PLEKHA7: variants seen among roughly 807,000 people sequenced by gnomAD.
PLEKHA7 encodes pleckstrin homology domain containing A7.
A neutral mutation model predicts 170.0 loss-of-function variants in PLEKHA7; 104 were observed. The ratio of observed to expected loss-of-function variants is 0.61; its 90% CI spans 0.52 to 0.72. The LOEUF (loss-of-function observed/expected upper bound fraction) is 0.72, where lower values mean the gene tolerates loss of function less well. Ranked by LOEUF, PLEKHA7 falls within the 30% of genes least tolerant of loss-of-function variation. PLEKHA7 has a pLI of 0.00. For synonymous variants in PLEKHA7, 648 were observed against 660.8 expected, an observed-to-expected ratio of 0.98 and a Z score of 0.30; for missense variants, 1,615 against 1,671.7, an observed-to-expected ratio of 0.97 and a Z score of 0.59.
intron 3 of PLEKHA7, among the ~76,000 whole-genome samples, chr11:17,010,224 C>A (rs957759394): frequency 2.6e-5 from 4 of 151,880 alleles, no homozygotes; most frequent in Non-Finnish European, 4.4e-5. Flanking sequence ...CCTGTCTCTA[C>A]TAAAAATGCA....
In PLEKHA7 at chr11:16,855,870, G is replaced by A. The variant is rs1853402538; in HGVS notation, c.350C>T (p.Ser117Phe). The part of the protein sequence containing the change: ...MSKQDRNQRP[S>F]SMVSETSTAG... ...CGTGGATGTTTCACTGACCATGCTG[G>A]ACGGTCTTTGGTTTCTGTCTTGCTT... The change falls in exon 5 of 27, where the codon TCC becomes TTC. Residue 117 changes from serine to phenylalanine, a missense_variant. Transcript: ENST00000531066. The A allele has an allele frequency of 6.2e-7, 1 of 1,614,212 alleles. No homozygotes were observed. The highest frequency in any genetic ancestry group is 8.5e-7 in the Non-Finnish European group (1 of 1,180,038).
intron 3 of PLEKHA7, among the ~76,000 whole-genome samples, chr11:16,948,444 AC>A (rs1342842988): frequency 2.0e-5 from 3 of 152,078 alleles, no homozygotes; most frequent in African/African-American, 7.2e-5. Flanking sequence ...GCACACACAC[AC>A]CCCTGACTGT....
chr11:16,926,341 G>C (rs1185632374), intron 3 of PLEKHA7, among the ~76,000 whole-genome samples: 1 of 152,128 alleles, frequency 6.6e-6, no homozygotes, highest in Non-Finnish European at 1.5e-5. Context: ...TCACTCTCCT[G>C]GTCCTGCAGG....
intron 3 of PLEKHA7, among the ~76,000 whole-genome samples, chr11:17,009,752 A>T (rs1865213677): frequency 6.6e-6 from 1 of 151,962 alleles, no homozygotes; most frequent in African/African-American, 2.4e-5. Context: ...CCTCACACTT[A>T]AGCCTCTCAA....
In PLEKHA7 at chr11:16,817,029, G is replaced by A. The variant is rs146822702; in HGVS notation, c.1637C>T (p.Pro546Leu). The change falls in exon 11 of 27, where the codon CCA (proline) becomes CTA (leucine). Residue 546 changes from proline (P) to leucine (L), a missense_variant. By Grantham distance (98) the Pro-to-Leu change is moderately conservative. Transcript: ENST00000531066. The surrounding 1 kb of genome is among the most constrained non-coding windows in gnomAD (Gnocchi z 4.4). ...GCTCCGGCCCTGGTCGGTGAACTCT[G>A]GGGAGCCAAGGCAGATGGGCGCTGT... ...SPTAPICLGSPEFTDQGRSRS... is the reference protein window; with the variant it reads ...SPTAPICLGSLEFTDQGRSRS... 6.2e-7 allele frequency: 1 copy of A among 1,605,074 alleles called. No individual in the cohort carries two copies. Among genetic ancestry groups the A allele is most frequent in the African/African-American group, 1.3e-5 (1 of 74,872 alleles).
intron 3 of PLEKHA7, among the ~76,000 whole-genome samples, chr11:16,995,496 C>T (rs1404084975): frequency 6.6e-6 from 1 of 152,174 alleles, no homozygotes; most frequent in Non-Finnish European, 1.5e-5. Flanking sequence ...ACTCATCCAG[C>T]CCCTGAACTG....
At chr11:17,014,272 C>T in intron 1 of PLEKHA7, 44 bp downstream of exon 1, 1 of 1,395,554 alleles carries the variant, frequency 7.2e-7, no homozygotes, top group Non-Finnish European at 9.3e-7. Flanking sequence ...CCCGCCCCCG[C>T]GCCCCCACCC....
chr11:16,780,545 T>C (rs7111425), intron 26 of PLEKHA7, among the ~76,000 whole-genome samples: 2,365 of 152,342 alleles, frequency 0.016, 42 homozygotes, highest in African/African-American at 0.053. Context: ...AGTTCTTCAA[T>C]TTCTTTGGCC....
At position 16,817,505 on chromosome 11, in the gene PLEKHA7, A is replaced by C; in HGVS notation, c.1344-183T>G. 1.8e-6 allele frequency: 1 copy of C among 560,638 alleles called. No homozygotes were observed. The allele number at this position is 560,638 out of a possible 1,614,324, so 34.7% of individuals were successfully genotyped here. On this transcript the variant is annotated intron_variant, in intron 10 of 26. Transcript: ENST00000531066. This position sits in a 1 kb window ranked among gnomAD's most constrained non-coding sequence, Gnocchi z 4.4. ...TCCCCTTTTGGCAGACGACTCCAAAACCATTTTTCTCTGTCAACTTCCTCT... is the reference window on the plus strand; with the variant it reads ...TCCCCTTTTGGCAGACGACTCCAAACCCATTTTTCTCTGTCAACTTCCTCT...
rs1468152342 is a variant in PLEKHA7, at chr11:16,777,702, G to T, written c.*1296C>A. The T allele has an allele frequency of 6.6e-6, 1 of 152,204 alleles. No individual in the cohort carries two copies. The highest frequency in any genetic ancestry group is 1.5e-5 in the Non-Finnish European group (1 of 68,040). 9.4% of individuals were successfully genotyped at this position (152,204 alleles called of 1,614,324 possible). ...GCTTGGTAGCCCCCCTCCTCATGTGGGGCTGGAAGTCAAATCAAAGTCCTG... is the reference window on the plus strand; with the variant it reads ...GCTTGGTAGCCCCCCTCCTCATGTGTGGCTGGAAGTCAAATCAAAGTCCTG... On this transcript the variant is annotated 3_prime_UTR_variant, in exon 27 of 27. Coordinates refer to ENST00000531066, the MANE Select transcript of PLEKHA7 (RefSeq NM_001329630.2).
At chr11:16,936,129 C>G (rs1455422788) in intron 3 of PLEKHA7, among the ~76,000 whole-genome samples, 1 of 152,018 alleles carries the variant, frequency 6.6e-6, no homozygotes, top group Non-Finnish European at 1.5e-5. Flanking sequence ...CTGCAGGGCA[C>G]AGTGGCTCAT....
intron 4 of PLEKHA7, among the ~76,000 whole-genome samples, 173 bp from the exon 5 acceptor site, chr11:16,856,087 C>T (rs554524593): frequency 1.3e-5 from 2 of 152,320 alleles, no homozygotes; most frequent in South Asian, 2.1e-4. Context: ...GTCCAGCCTG[C>T]CCATGTGTTT....
At chr11:16,884,545 G>A (rs367373) in intron 3 of PLEKHA7, among the ~76,000 whole-genome samples, 1 of 151,968 alleles carries the variant, frequency 6.6e-6, no homozygotes, top group Admixed American at 6.5e-5. Flanking sequence ...TGAGCCAGGA[G>A]AATTGTTTGA....
rs575681698 is a variant in PLEKHA7, at chr11:16,817,395, T to C, written c.1344-73A>G. The stretch of plus-strand genomic sequence containing the variant: ...GCAGGCTTTGGGGAACATATCTAAG[T>C]AAACCCACAAAGCTGGGCATGTGGG... On this transcript the variant is annotated intron_variant, in intron 10 of 26. Coordinates refer to ENST00000531066, the MANE Select transcript of PLEKHA7 (RefSeq NM_001329630.2). The surrounding 1 kb of genome is among the most constrained non-coding windows in gnomAD (Gnocchi z 4.4). 1.9e-4 allele frequency: 276 copies of C among 1,436,664 alleles called. 4 individuals carry two copies. The African/African-American group carries it at 3.3e-3, about 17-fold the overall frequency. 89.0% of individuals were successfully genotyped at this position (1,436,664 alleles called of 1,614,324 possible). A position where few individuals can be genotyped will look rare whatever the true frequency, so the allele number is the denominator to read the frequency against.
rs953488580 is a variant in PLEKHA7 at position 16,817,646 on chromosome 11, A to G, written c.1344-324T>C. 6.6e-6 allele frequency among the ~76,000 whole-genome samples: 1 copy of G among 152,172 alleles called. No homozygotes were observed. Among genetic ancestry groups the G allele is most frequent in the Non-Finnish European group, 1.5e-5 (1 of 68,026 alleles). On this transcript the variant is annotated intron_variant, in intron 10 of 26. Coordinates refer to ENST00000531066, the MANE Select transcript of PLEKHA7 (RefSeq NM_001329630.2). This position sits in a 1 kb window ranked among gnomAD's most constrained non-coding sequence, Gnocchi z 4.4. ...GCTCTTTCAATGGCTATGCATATTT[A>G]TAGGAAAGGCCTCACAATTCTCCAA...
At chr11:16,847,337 C>T (rs1302963432) in intron 8 of PLEKHA7, among the ~76,000 whole-genome samples, 2 of 151,906 alleles carry the variant, frequency 1.3e-5, no homozygotes, top group Non-Finnish European at 2.9e-5. Context: ...CGTGATCCGC[C>T]CCCCTCTGCC....
intron 24 of PLEKHA7, among the ~76,000 whole-genome samples, 160 bp from the exon 25 acceptor site, chr11:16,783,993 G>A (rs1238587434): frequency 2.0e-5 from 3 of 152,198 alleles, no homozygotes; most frequent in Non-Finnish European, 2.9e-5. Context: ...GTGGAATCCA[G>A]GTTTGAACCT....
rs1370313451 is a variant in PLEKHA7, at chr11:16,789,788, TTGC to T, written c.3140_3142del (p.Ser1047del). ...AAGGCCACTCACAGGGAAGGTCGCC[TTGC>T]TGCTTTCGGCATTGAGACCCCTCCG... On this transcript the variant is annotated inframe_deletion, in exon 22 of 27. Transcript: ENST00000531066. The surrounding 1 kb of genome is among the most constrained non-coding windows in gnomAD (Gnocchi z 4.6). 1 of 1,613,818 alleles carries T rather than the reference TTGC, an allele frequency of 6.2e-7. No individual in the cohort carries two copies. The highest frequency in any genetic ancestry group is 1.3e-5 in the African/African-American group (1 of 74,924).
intron 3 of PLEKHA7, among the ~76,000 whole-genome samples, chr11:16,965,250 G>C (rs766239385): frequency 9.9e-5 from 15 of 151,996 alleles, no homozygotes; most frequent in Non-Finnish European, 1.8e-4. Flanking sequence ...TTGAACCTGG[G>C]AGGCAGAGGT....
Sources: allele counts gnomAD v4.1 joint callset (sites outside exome capture counted in the v4.1 genomes callset), GRCh38; gene constraint gnomAD v4.1.1; non-coding constraint Gnocchi (gnomAD v3.1); transcripts MANE v1.5; gene names NCBI Gene and HGNC (gene_info 2026-07-23, HGNC 2026-07-21).